Variants in TUBGCP2 observed in about 807,000 individuals in gnomAD.
The protein encoded by TUBGCP2 is tubulin gamma complex component 2.
Under a neutral mutation model 92.2 loss-of-function variants are expected in TUBGCP2, and 55 were observed. The observed-to-expected ratio is 0.60, with a 90% CI of 0.48 to 0.75. The LOEUF (loss-of-function observed/expected upper bound fraction) is 0.75. Ranked by LOEUF, TUBGCP2 falls within the 30% of genes least tolerant of loss-of-function variation. The pLI, the probability that TUBGCP2 is intolerant of heterozygous loss-of-function variation, is 0.00. For missense variants in TUBGCP2, 1,093 were observed against 1,188.9 expected, an observed-to-expected ratio of 0.92 and a Z score of 1.19; for synonymous variants, 533 against 505.2, an observed-to-expected ratio of 1.06 and a Z score of -0.74.
chr10:133,289,706 A>T, intron 9 of TUBGCP2, 118 bp downstream of exon 9: 1 of 1,194,052 alleles, frequency 8.4e-7, no homozygotes, highest in Non-Finnish European at 1.1e-6. Flanking sequence ...CACGGACACC[A>T]GGGCTCAGGG....
chr10:133,281,534 CCTTTT>C lies in TUBGCP2; in HGVS notation c.2410-103_2410-99del, dbSNP rs1589820195. On this transcript the variant is annotated intron_variant, in intron 16 of 17. Coordinates refer to ENST00000252936, the MANE Select transcript of TUBGCP2 (RefSeq NM_006659.4). ...AGCAGGCCGGTGTCCTTTCCCTTCC[CCTTTT>C]CTTAAATAGAAAACATGGGTTCCAT... The C allele has an allele frequency of 2.1e-6, 3 of 1,422,922 alleles. No homozygotes were observed. The African/African-American group carries it at 4.3e-5, about 20-fold the overall frequency. The allele number at this position is 1,422,922 out of a possible 1,614,324, so 88.1% of individuals were successfully genotyped here.
upstream of TUBGCP2, chr10:133,311,591 C>A (rs1847988910): frequency 4.8e-6 from 4 of 831,006 alleles, no homozygotes; most frequent in Non-Finnish European, 5.7e-6. Context: ...TCAGACTATG[C>A]CAAAATAGTA....
At chr10:133,283,311 T>C in intron 14 of TUBGCP2, 90 bp from the exon 15 acceptor site, 1 of 1,570,258 alleles carries the variant, frequency 6.4e-7, no homozygotes, top group Non-Finnish European at 8.7e-7. Context: ...GCTTTGTGCA[T>C]TCCTGTTTAC....
chr10:133,286,554 C>G (rs1329529197), intron 11 of TUBGCP2, among the ~76,000 whole-genome samples: 1 of 152,242 alleles, frequency 6.6e-6, no homozygotes, highest in African/African-American at 2.4e-5. Flanking sequence ...ACCACCCCAA[C>G]AGCACCGAGG....
In TUBGCP2 at chr10:133,285,588, C is replaced by T. The variant is rs1195042548; in HGVS notation, c.1763G>A (p.Arg588His). 8 of 1,544,598 alleles carry T rather than the reference C, an allele frequency of 5.2e-6. No homozygotes were observed. The highest frequency in any genetic ancestry group is 2.7e-5 in the African/African-American group (2 of 72,780). The change falls in exon 12 of 18, where the codon CGC becomes CAC. Residue 588 changes from arginine (R) to histidine (H), a missense_variant. Physicochemically the swap from Arg to His is conservative, Grantham distance 29 (BLOSUM62 0). This residue lies in a region of TUBGCP2 where 598 missense variants were observed against 675.5 expected (regional missense o/e 0.89). Transcript: ENST00000252936. This position sits in a 1 kb window ranked among gnomAD's most constrained non-coding sequence, Gnocchi z 6.8. ...MPHDLITQLL[R>H]VLAIETKQEK... ...CTGCTTGGTCTCGATGGCCAGGACGCGCAAGAGCTGAGTGATGAGGTCATG... is the reference window on the plus strand; with the variant it reads ...CTGCTTGGTCTCGATGGCCAGGACGTGCAAGAGCTGAGTGATGAGGTCATG...
At chr10:133,301,326 T>C (rs1010110302) in intron 2 of TUBGCP2, among the ~76,000 whole-genome samples, 9 of 152,234 alleles carry the variant, frequency 5.9e-5, no homozygotes, top group South Asian at 2.1e-4. Context: ...GGTTTCTCCA[T>C]GTTGGCCAGG....
intron 3 of TUBGCP2, 126 bp from the exon 4 acceptor site, chr10:133,299,729 C>T (rs1023208008): frequency 4.4e-6 from 4 of 913,686 alleles, no homozygotes; most frequent in South Asian, 1.7e-5. Context: ...AGCAAAGCGA[C>T]GCGTGCGACA....
At chr10:133,288,007 C>A (rs1847175936) in intron 11 of TUBGCP2, 122 bp downstream of exon 11, 3 of 1,322,032 alleles carry the variant, frequency 2.3e-6, no homozygotes, top group Non-Finnish European at 3.0e-6. Context: ...GTGAAGGAAA[C>A]AGACCCTGCG....
chr10:133,286,708 A>AC (rs545699938), intron 11 of TUBGCP2, among the ~76,000 whole-genome samples: 482 of 152,348 alleles, frequency 3.2e-3, no homozygotes, highest in African/African-American at 0.01. Flanking sequence ...TTCTCTAACA[A>AC]GGAGATAAAG....
At chr10:133,305,551 C>T (rs1049383967) in intron 1 of TUBGCP2, among the ~76,000 whole-genome samples, 1 of 152,054 alleles carries the variant, frequency 6.6e-6, no homozygotes, top group African/African-American at 2.4e-5. Flanking sequence ...CTCTCATCTC[C>T]GCACACGAGG....
At chr10:133,287,663 C>T (rs1048719345) in intron 11 of TUBGCP2, among the ~76,000 whole-genome samples, 18 of 151,712 alleles carry the variant, frequency 1.2e-4, no homozygotes, top group African/African-American at 4.1e-4. Context: ...ATCACTTGAA[C>T]CCAGGAGGTG....
chr10:133,311,762 G>A, upstream of TUBGCP2: 5 of 1,613,786 alleles, frequency 3.1e-6, no homozygotes, highest in East Asian at 2.2e-5. Context: ...GCGGTCAGAA[G>A]GGGAGGCCAT....
intron 11 of TUBGCP2, among the ~76,000 whole-genome samples, 156 bp downstream of exon 11, chr10:133,287,973 C>T (rs531016056): frequency 2.6e-5 from 4 of 152,354 alleles, no homozygotes; most frequent in African/African-American, 9.6e-5. Context: ...CCCCCGATCC[C>T]GGCAAGCCGG....
Position 133,293,594 on chromosome 10 carries a change from G to C in TUBGCP2, c.792C>G (p.Leu264=). The change falls in exon 6 of 18, where the codon CTC becomes CTG. Residue 264 remains leucine, a synonymous_variant. Coordinates refer to ENST00000252936, the MANE Select transcript of TUBGCP2 (RefSeq NM_006659.4). ...CAGCGGAGTAGCTGGCGGCCACTGG[G>C]AGGATCCTGTGCACCAGCTCCCTGA... The part of the protein sequence containing the change: ...LSIRELVHRI[L]PVAASYSAVT... The C allele has an allele frequency of 1.3e-6, 2 of 1,556,998 alleles. No individual in the cohort carries two copies. The highest frequency in any genetic ancestry group is 1.7e-6 in the Non-Finnish European group (2 of 1,150,422).
chr10:133,289,052 C>T (rs771476158), intron 9 of TUBGCP2, 32 bp from the exon 10 acceptor site: 2 of 1,595,512 alleles, frequency 1.3e-6, no homozygotes, highest in South Asian at 2.2e-5. Context: ...ATTTTATTCT[C>T]CACATGGTCG....
chr10:133,283,338 A>C, intron 14 of TUBGCP2, 117 bp from the exon 15 acceptor site: 1 of 1,432,908 alleles, frequency 7.0e-7, no homozygotes, highest in Non-Finnish European at 9.5e-7. Context: ...CTACCTCTTA[A>C]ATGGGCCTTG....
At chr10:133,308,923 C>T, upstream of TUBGCP2, 1 of 1,214,194 alleles carries the variant, frequency 8.2e-7, no homozygotes, top group Non-Finnish European at 1.0e-6. Context: ...CGACAGGCTG[C>T]GCCCGCCCGC....
Position 133,291,233 on chromosome 10 carries a change from C to T in TUBGCP2, c.1215-1264G>A, listed in dbSNP as rs201290955. On this transcript the variant is annotated intron_variant, in intron 8 of 17. Transcript: ENST00000252936. ...GCCAGAGCCCCCAGAGAGGGCAGCACGCGCCCTCCGTGTCCCCCATGTCCC... is the reference window on the plus strand; with the variant it reads ...GCCAGAGCCCCCAGAGAGGGCAGCATGCGCCCTCCGTGTCCCCCATGTCCC... Among the ~76,000 whole-genome samples, 281 of 126,346 alleles carry T rather than the reference C, an allele frequency of 2.2e-3. 2 individuals are homozygous for T. The highest frequency in any genetic ancestry group is 3.2e-3 in the African/African-American group (76 of 23,544). The allele number at this position is 126,346 out of a possible 152,430, so 82.9% of individuals were successfully genotyped here.
chr10:133,288,802 G>C (rs762486861), intron 10 of TUBGCP2, 38 bp downstream of exon 10: 1 of 1,548,228 alleles, frequency 6.5e-7, no homozygotes, highest in South Asian at 1.2e-5. Flanking sequence ...GTTTCAGAGG[G>C]AGGTGAGTGC....
Sources: gnomAD v4.1 joint callset for allele counts (sites outside exome capture counted in the v4.1 genomes callset) on GRCh38, gnomAD v4.1.1 for gene constraint, gnomAD v4.1.1 regional missense constraint, Gnocchi (gnomAD v3.1) non-coding constraint, MANE v1.5 for transcripts, NCBI Gene and HGNC (gene_info 2026-07-23, HGNC 2026-07-21) for gene names.